CMTM8: variants seen among roughly 807,000 people sequenced by gnomAD.
The protein encoded by CMTM8 is CKLF like MARVEL transmembrane domain containing 8, also known as CKLF-like MARVEL transmembrane domain-containing protein 8.
CMTM8 carries 12 observed loss-of-function variants against 18.6 expected under a neutral mutation model. The observed-to-expected ratio is 0.65, with a 90% CI of 0.41 to 1.05. CMTM8 has a LOEUF of 1.05. Ranked by LOEUF, CMTM8 falls within the 50% of genes least tolerant of loss-of-function variation. The probability of loss-of-function intolerance (pLI) is 0.00; values close to 1 mark genes in which losing one functional copy is unlikely to be tolerated. For synonymous variants in CMTM8, 87 were observed against 90.6 expected (o/e 0.96, Z 0.23); for missense variants, 217 against 227.2 (o/e 0.95, Z 0.29).
At chr3:32,316,254 C>A (rs1013251435) in intron 1 of CMTM8, among the ~76,000 whole-genome samples, 2 of 151,888 alleles carry the variant, frequency 1.3e-5, no homozygotes, top group African/African-American at 4.8e-5. Flanking sequence ...GTCTTGATCT[C>A]CTGACCTCGT....
intron 1 of CMTM8, among the ~76,000 whole-genome samples, chr3:32,267,147 A>G (rs1381777747): frequency 2.6e-5 from 4 of 152,198 alleles, no homozygotes; most frequent in Admixed American, 6.5e-5. Flanking sequence ...CGCCAAGTCA[A>G]TCCTAAGCCA....
chr3:32,277,172 C>G (rs1403580707), intron 1 of CMTM8, among the ~76,000 whole-genome samples: 1 of 152,062 alleles, frequency 6.6e-6, no homozygotes, highest in Non-Finnish European at 1.5e-5. Context: ...CAGGTATGCT[C>G]CAACACTCCC....
chr3:32,299,036 C>T (rs1695555650), intron 1 of CMTM8, among the ~76,000 whole-genome samples: 1 of 150,624 alleles, frequency 6.6e-6, no homozygotes, highest in South Asian at 2.1e-4. Flanking sequence ...GATCCTCCCA[C>T]CTCAGCCTCC....
chr3:32,331,233 A>G (rs531131638), intron 1 of CMTM8, among the ~76,000 whole-genome samples: 6 of 152,354 alleles, frequency 3.9e-5, no homozygotes, highest in African/African-American at 1.4e-4. Flanking sequence ...ATTACCAGTC[A>G]TTAGGAAAAT....
intron 1 of CMTM8, among the ~76,000 whole-genome samples, chr3:32,330,758 A>G (rs1010359271): frequency 6.6e-6 from 1 of 152,246 alleles, no homozygotes; most frequent in Non-Finnish European, 1.5e-5. Flanking sequence ...CAGTCTCTTC[A>G]ACAAATGGTT....
intron 1 of CMTM8, among the ~76,000 whole-genome samples, chr3:32,324,820 G>A (rs1314271971): frequency 6.6e-6 from 1 of 152,196 alleles, no homozygotes; most frequent in Non-Finnish European, 1.5e-5. Flanking sequence ...GGAAAACAAA[G>A]ACCCAAGGAA....
intron 1 of CMTM8, among the ~76,000 whole-genome samples, chr3:32,249,911 C>G (rs1302171580): frequency 6.6e-6 from 1 of 152,042 alleles, no homozygotes; most frequent in African/African-American, 2.4e-5. Flanking sequence ...TATAGTTTTT[C>G]TTTTGTCATT....
chr3:32,245,618 G>A (rs1305716216), intron 1 of CMTM8, among the ~76,000 whole-genome samples: 1 of 152,148 alleles, frequency 6.6e-6, no homozygotes, highest in Non-Finnish European at 1.5e-5. Context: ...ATGTAATAAT[G>A]TTAGGTCACC....
intron 1 of CMTM8, among the ~76,000 whole-genome samples, chr3:32,350,213 C>A (rs1243999709): frequency 6.6e-6 from 1 of 152,194 alleles, no homozygotes; most frequent in East Asian, 1.9e-4. Context: ...CACCCCCAAC[C>A]TTTGCTTCCT....
At chr3:32,307,616 C>T (rs1377341450) in intron 1 of CMTM8, among the ~76,000 whole-genome samples, 4 of 152,116 alleles carry the variant, frequency 2.6e-5, no homozygotes, top group South Asian at 2.1e-4. Flanking sequence ...GAAGAGAAGT[C>T]GAGGTTAAAG....
rs550546237 is a variant in CMTM8 at position 32,329,280 on chromosome 3, G to A, written c.148-28093G>A. 5.7e-4 allele frequency among the ~76,000 whole-genome samples: 87 copies of A among 152,174 alleles called. No individual in the cohort carries two copies. In the South Asian group the frequency reaches 0.013, roughly 24 times the overall value. On this transcript the variant is annotated intron_variant, in intron 1 of 3. Transcript: ENST00000307526. Reference sequence around the variant, plus strand: ...GGAGTTTCACCATGTTGACCAGCCCGGTCTTGAACTCCTGACCTCAAGTGA... The same window carrying A: ...GGAGTTTCACCATGTTGACCAGCCCAGTCTTGAACTCCTGACCTCAAGTGA...
At chr3:32,297,746 T>C (rs1695505105) in intron 1 of CMTM8, among the ~76,000 whole-genome samples, 1 of 151,874 alleles carries the variant, frequency 6.6e-6, no homozygotes, top group Admixed American at 6.6e-5. Context: ...AATTACCAGC[T>C]TGTGGAAGTT....
At position 32,238,980 on chromosome 3, in the gene CMTM8, A is replaced by G. The variant is rs752460220; in HGVS notation, c.8A>G (p.Glu3Gly). 65 of 1,548,584 alleles carry G rather than the reference A, an allele frequency of 4.2e-5. No individual in the cohort carries two copies. In the South Asian group the frequency reaches 7.6e-4, roughly 18 times the overall value. The change falls in exon 1 of 4, where the codon GAG (glutamate) becomes GGG (glycine). Residue 3 changes from glutamate (E) to glycine (G), a missense_variant. Physicochemically the swap from Glu to Gly is moderately conservative, Grantham distance 98. Coordinates refer to ENST00000307526, the MANE Select transcript of CMTM8 (RefSeq NM_178868.5). ME[E>G]PQRARSHTVT... Reference sequence around the variant, plus strand: ...CCCGGCAGTGGCTCGACGATGGAGGAGCCGCAGCGCGCCCGCTCGCACACA... The same window carrying G: ...CCCGGCAGTGGCTCGACGATGGAGGGGCCGCAGCGCGCCCGCTCGCACACA...
chr3:32,321,460 T>G (rs1696050530), intron 1 of CMTM8, among the ~76,000 whole-genome samples: 1 of 152,074 alleles, frequency 6.6e-6, no homozygotes, highest in Non-Finnish European at 1.5e-5. Context: ...AGGATGAGTG[T>G]GCCCTCCCGA....
intron 1 of CMTM8, among the ~76,000 whole-genome samples, chr3:32,349,587 A>G (rs1696664835): frequency 6.6e-6 from 1 of 152,196 alleles, no homozygotes; most frequent in Non-Finnish European, 1.5e-5. Flanking sequence ...ATCCAGAGAC[A>G]TTTTTGATTG....
chr3:32,240,506 G>C (rs1553601711), intron 1 of CMTM8, among the ~76,000 whole-genome samples: 1 of 152,182 alleles, frequency 6.6e-6, no homozygotes, highest in Non-Finnish European at 1.5e-5. Context: ...TTCTACCTTG[G>C]GGTGGATTTG....
chr3:32,341,379 C>G (rs551360586), intron 1 of CMTM8, among the ~76,000 whole-genome samples: 6 of 152,214 alleles, frequency 3.9e-5, no homozygotes, highest in Non-Finnish European at 5.9e-5. Flanking sequence ...GTCTCAAACA[C>G]CAGCCTATTC....
At chr3:32,334,227 C>T (rs905451703) in intron 1 of CMTM8, among the ~76,000 whole-genome samples, 4 of 151,928 alleles carry the variant, frequency 2.6e-5, no homozygotes, top group Non-Finnish European at 4.4e-5. Context: ...ATCCACCCGC[C>T]TCTGCCTCCC....
chr3:32,363,139 T>C (rs946073042), intron 2 of CMTM8, among the ~76,000 whole-genome samples: 21 of 152,236 alleles, frequency 1.4e-4, no homozygotes, highest in African/African-American at 4.8e-4. Context: ...ATCAGTTTGA[T>C]GGTAGGTTTA....
Sources: allele counts gnomAD v4.1 joint callset (sites outside exome capture counted in the v4.1 genomes callset), GRCh38; gene constraint gnomAD v4.1.1; transcripts MANE v1.5; gene names NCBI Gene and HGNC (gene_info 2026-07-23, HGNC 2026-07-21).